Variants in ANTXR2 observed in about 807,000 individuals in gnomAD.
ANTXR2 encodes ANTXR cell adhesion molecule 2.
A neutral mutation model predicts 73.7 loss-of-function variants in ANTXR2; 44 were observed. The ratio of observed to expected loss-of-function variants is 0.60; its 90% CI spans 0.47 to 0.77. The LOEUF (loss-of-function observed/expected upper bound fraction) is 0.77, where lower values mean the gene tolerates loss of function less well. ANTXR2 is among the 30% of genes least tolerant of loss of function. ANTXR2 has a pLI of 0.00. For synonymous variants in ANTXR2, 217 were observed against 205.9 expected (o/e 1.05, Z -0.46); for missense variants, 604 against 592.5 (o/e 1.02, Z -0.20).
At chr4:79,911,085 G>A (rs370663549) in intron 16 of ANTXR2, among the ~76,000 whole-genome samples, 3 of 152,128 alleles carry the variant, frequency 2.0e-5, no homozygotes, top group African/African-American at 4.8e-5. Context: ...TAGTGATAAC[G>A]CTAATTATGT....
rs778686187 is a variant in ANTXR2, at chr4:80,035,985, A to G, written c.684T>C (p.Ser228=). 16 of 1,539,902 alleles carry G rather than the reference A, an allele frequency of 1.0e-5. No individual in the cohort carries two copies. The highest frequency in any genetic ancestry group is 1.4e-5 in the Non-Finnish European group (16 of 1,144,900). The change falls in exon 8 of 17, where the codon AGT becomes AGC. Residue 228 remains serine, a synonymous_variant. Coordinates refer to ENST00000403729, the MANE Select transcript of ANTXR2 (RefSeq NM_058172.6). ...CTAAACACTTACCCCCCACACAGAC[A>G]CTTGAGGGCTGCAATTCTAGGATTT... The part of the protein sequence containing the change: ...CTEILELQPS[S]VCVGEEFQIV...
chr4:80,011,323 CATCT>C (rs1356933435), intron 11 of ANTXR2, among the ~76,000 whole-genome samples: 118 of 150,872 alleles, frequency 7.8e-4, no homozygotes, highest in African/African-American at 2.1e-3. Flanking sequence ...ATCTGTCTAT[CATCT>C]ATCTATCTAT....
intron 11 of ANTXR2, among the ~76,000 whole-genome samples, chr4:80,013,403 G>C (rs1731691424): frequency 6.6e-6 from 1 of 152,176 alleles, no homozygotes; most frequent in Non-Finnish European, 1.5e-5. Context: ...AAGCAAACAG[G>C]AACTCACAGC....
At chr4:80,001,916 AT>A in intron 12 of ANTXR2, among the ~76,000 whole-genome samples, 1 of 151,458 alleles carries the variant, frequency 6.6e-6, no homozygotes, top group Admixed American at 6.6e-5. Context: ...ATCTTCCTCC[AT>A]CCTTTTATTT....
At chr4:79,964,921 C>T (rs903184796) in intron 16 of ANTXR2, 1 of 152,280 alleles carries the variant, frequency 6.6e-6, no homozygotes, top group African/African-American at 2.4e-5. Context: ...GGCCCGCGGA[C>T]CCCGCCACCT....
intron 10 of ANTXR2, among the ~76,000 whole-genome samples, chr4:80,029,164 T>A (rs2110079401): frequency 6.6e-6 from 1 of 152,262 alleles, no homozygotes; most frequent in East Asian, 1.9e-4. Context: ...ATAATTAAAG[T>A]GTATCACTAG....
In ANTXR2 at chr4:80,072,390, A is replaced by G. The variant is rs376651458; in HGVS notation, c.152+19T>C. ...TGCCGCCCTCACCAGGAGACCCTGGACCTCCCTCGCACACTCACTTGTCCA... is the reference window on the plus strand; with the variant it reads ...TGCCGCCCTCACCAGGAGACCCTGGGCCTCCCTCGCACACTCACTTGTCCA... On this transcript the variant is annotated intron_variant, in intron 1 of 16. Transcript: ENST00000403729. 2 of 1,574,380 alleles carry G rather than the reference A, an allele frequency of 1.3e-6. No homozygotes were observed. Among genetic ancestry groups the G allele is most frequent in the Non-Finnish European group, 1.7e-6 (2 of 1,159,546 alleles).
intron 7 of ANTXR2, among the ~76,000 whole-genome samples, chr4:80,053,393 A>G (rs1390926918): frequency 6.6e-6 from 1 of 151,676 alleles, no homozygotes; most frequent in Non-Finnish European, 1.5e-5. Context: ...AATTTTTTTA[A>G]AAGCCTACGT....
rs1726698373 is a variant in ANTXR2 at position 79,901,460 on chromosome 4, T to C, written c.*5969A>G. The C allele has an allele frequency of 6.6e-6, 1 of 151,624 alleles. No homozygotes were observed. Among genetic ancestry groups the C allele is most frequent in the South Asian group, 2.1e-4 (1 of 4,792 alleles). The allele number at this position is 151,624 out of a possible 1,614,324, so 9.4% of individuals were successfully genotyped here. A position where few individuals can be genotyped will look rare whatever the true frequency, so the allele number is the denominator to read the frequency against. On this transcript the variant is annotated 3_prime_UTR_variant, in exon 17 of 17. Transcript: ENST00000403729. Reference sequence around the variant, plus strand: ...TAAATTGTTTAAAATCACCTTGCCTTTTAGTTCATGGAGACAATGCATATC... The same window carrying C: ...TAAATTGTTTAAAATCACCTTGCCTCTTAGTTCATGGAGACAATGCATATC...
At chr4:79,915,848 C>CTA (rs1393139169) in intron 16 of ANTXR2, among the ~76,000 whole-genome samples, 3 of 123,532 alleles carry the variant, frequency 2.4e-5, no homozygotes, top group Non-Finnish European at 5.6e-5. Context: ...CTCTCTCTCT[C>CTA]TCTCTCTCTC....
intron 7 of ANTXR2, among the ~76,000 whole-genome samples, chr4:80,044,280 G>A (rs112927012): frequency 0.017 from 2,635 of 152,034 alleles, 40 homozygotes; most frequent in Non-Finnish European, 0.022. Context: ...CATGATACAT[G>A]TGGAATCATA....
At chr4:80,067,566 T>C (rs964240029) in intron 3 of ANTXR2, among the ~76,000 whole-genome samples, 1 of 152,192 alleles carries the variant, frequency 6.6e-6, no homozygotes, top group African/African-American at 2.4e-5. Context: ...GGCTGTTTCT[T>C]TGGAAATTAA....
chr4:79,981,348 G>C (rs1366290960), intron 14 of ANTXR2, among the ~76,000 whole-genome samples: 3 of 151,882 alleles, frequency 2.0e-5, no homozygotes, highest in Non-Finnish European at 4.4e-5. Flanking sequence ...TCATCTGATG[G>C]GTCACAGTTG....
chr4:79,922,464 A>G (rs937543784), intron 16 of ANTXR2, among the ~76,000 whole-genome samples: 6 of 152,110 alleles, frequency 3.9e-5, no homozygotes, highest in Admixed American at 6.6e-5. Context: ...ATATTAAACC[A>G]TCTCTAGAGA....
intron 6 of ANTXR2, 42 bp from the exon 7 acceptor site, chr4:80,054,394 A>G: frequency 2.2e-6 from 3 of 1,349,778 alleles, no homozygotes; most frequent in Admixed American, 2.3e-5. Context: ...AGTGGCTGAC[A>G]CATACAACAA....
chr4:79,915,796 C>T (rs567345719), intron 16 of ANTXR2, among the ~76,000 whole-genome samples: 1 of 144,668 alleles, frequency 6.9e-6, no homozygotes, highest in East Asian at 2.2e-4. Flanking sequence ...ACATCTTTCT[C>T]TCTCTGTCTC....
At chr4:79,972,995 T>C (rs571732416) in intron 16 of ANTXR2, among the ~76,000 whole-genome samples, 11 of 148,044 alleles carry the variant, frequency 7.4e-5, no homozygotes, top group Non-Finnish European at 1.6e-4. Flanking sequence ...AAAATTAACA[T>C]ATAAAAATGT....
intron 6 of ANTXR2, among the ~76,000 whole-genome samples, 166 bp downstream of exon 6, chr4:80,054,984 A>G (rs1189867720): frequency 6.6e-6 from 1 of 151,818 alleles, no homozygotes; most frequent in Non-Finnish European, 1.5e-5. Flanking sequence ...AAACCTATTA[A>G]AATTCTTACA....
At chr4:79,964,558 G>A in intron 16 of ANTXR2, 1 of 152,424 alleles carries the variant, frequency 6.6e-6, no homozygotes. Flanking sequence ...CTCTGAAGTG[G>A]CTTTCTGTCC....
Sources: allele counts gnomAD v4.1 joint callset (sites outside exome capture counted in the v4.1 genomes callset), GRCh38; gene constraint gnomAD v4.1.1; transcripts MANE v1.5; gene names NCBI Gene and HGNC (gene_info 2026-07-23, HGNC 2026-07-21).